Variants in TOR1AIP1 observed in about 807,000 individuals in gnomAD.
TOR1AIP1 encodes the protein torsin-1A-interacting protein 1.
A neutral mutation model predicts 63.3 loss-of-function variants in TOR1AIP1; 54 were observed. The observed-to-expected ratio is 0.85, with a 90% CI of 0.69 to 1.07. The LOEUF (loss-of-function observed/expected upper bound fraction) is 1.07. Among genes scored for constraint, TOR1AIP1 ranks in the 50% least tolerant of loss-of-function variants. TOR1AIP1 has a pLI of 0.00. For synonymous variants in TOR1AIP1, 294 were observed against 273.5 expected, an observed-to-expected ratio of 1.07 and a Z score of -0.74; for missense variants, 736 against 715.0, an observed-to-expected ratio of 1.03 and a Z score of -0.33.
At chr1:179,893,019 T>G (rs1435603561) in intron 3 of TOR1AIP1, among the ~76,000 whole-genome samples, 5 of 152,096 alleles carry the variant, frequency 3.3e-5, no homozygotes, top group Non-Finnish European at 4.4e-5. Flanking sequence ...GGCGGGTGGA[T>G]CACCTGAGGT....
Position 179,905,172 on chromosome 1 carries a change from C to T in TOR1AIP1, c.796+1150C>T, listed in dbSNP as rs185498450. ...CAGGCGGATCACTAGGTCAAGAGAC[C>T]GAGACCATCCTGGCCAACATGGTGA... On this transcript the variant is annotated intron_variant, in intron 6 of 9. Transcript: ENST00000606911. Among the ~76,000 whole-genome samples, 596 of 151,970 alleles carry T rather than the reference C, an allele frequency of 3.9e-3. 4 individuals are homozygous for T. Among genetic ancestry groups the T allele is most frequent in the African/African-American group, 0.013 (550 of 41,448 alleles).
intron 2 of TOR1AIP1, among the ~76,000 whole-genome samples, chr1:179,886,047 A>ATAT (rs1471125759): frequency 6.6e-5 from 10 of 152,148 alleles, no homozygotes; most frequent in Admixed American, 6.5e-4. Context: ...GGCCTGTCCT[A>ATAT]TATTCCTTGA....
Position 179,913,993 on chromosome 1 carries a change from A to C in TOR1AIP1, c.908-5A>C. ...ATAGTCTTATTTTATTACTCTCACCATTAGATGACAGCATTCTGAAATCAG... is the reference window on the plus strand; with the variant it reads ...ATAGTCTTATTTTATTACTCTCACCCTTAGATGACAGCATTCTGAAATCAG... On this transcript the variant is annotated splice_polypyrimidine_tract_variant and splice_region_variant and intron_variant, in intron 8 of 9. Coordinates refer to ENST00000606911, the MANE Select transcript of TOR1AIP1 (RefSeq NM_015602.4). 6.2e-7 allele frequency: 1 copy of C among 1,613,364 alleles called. No homozygotes were observed. The highest frequency in any genetic ancestry group is 1.1e-5 in the South Asian group (1 of 91,002).
At chr1:179,908,442 T>C (rs1458175003) in intron 7 of TOR1AIP1, among the ~76,000 whole-genome samples, 163 bp from the exon 8 acceptor site, 3 of 152,256 alleles carry the variant, frequency 2.0e-5, no homozygotes, top group Non-Finnish European at 2.9e-5. Context: ...TCCTCACTGA[T>C]ACGATCCTTT....
At chr1:179,890,157 C>T (rs750222135) in intron 3 of TOR1AIP1, among the ~76,000 whole-genome samples, 3 of 152,088 alleles carry the variant, frequency 2.0e-5, no homozygotes, top group Non-Finnish European at 2.9e-5. Context: ...TGGCACAGAA[C>T]GACAAAATGT....
rs1648405259 is a variant in TOR1AIP1 at position 179,900,168 on chromosome 1, G to T, written c.652+1G>T. ...CAGAAGGTCAATTTCTCTGAAGAAG[G>T]TATTTTACTTGTAAATATCATATAA... is the stretch of plus-strand genomic sequence containing the variant. On this transcript the variant is annotated splice_donor_variant, in intron 4 of 9. Transcript: ENST00000606911. LOFTEE classifies it high-confidence loss of function. 4 of 1,595,212 alleles carry T rather than the reference G, an allele frequency of 2.5e-6. No individual in the cohort carries two copies. The highest frequency in any genetic ancestry group is 2.6e-6 in the Non-Finnish European group (3 of 1,165,900).
At chr1:179,900,343 G>A in intron 4 of TOR1AIP1, 176 bp downstream of exon 4, 1 of 471,680 alleles carries the variant, frequency 2.1e-6, no homozygotes, top group Non-Finnish European at 3.9e-6. Flanking sequence ...AGGAGTTCTG[G>A]GCTGTCTGTA....
At chr1:179,896,131 C>T (rs925624450) in intron 3 of TOR1AIP1, among the ~76,000 whole-genome samples, 9 of 152,094 alleles carry the variant, frequency 5.9e-5, no homozygotes, top group African/African-American at 2.2e-4. Flanking sequence ...TAAAACCTTG[C>T]AGGTATCTAA....
chr1:179,902,082 GTGGCGCAA>G (rs1015145275), intron 5 of TOR1AIP1, among the ~76,000 whole-genome samples: 1 of 139,770 alleles, frequency 7.2e-6, no homozygotes, highest in Non-Finnish European at 1.5e-5. Flanking sequence ...CTGGAGTGCA[GTGGCGCAA>G]TGTCGGCTCA....
intron 3 of TOR1AIP1, among the ~76,000 whole-genome samples, chr1:179,896,177 A>G (rs1343967911): frequency 1.3e-5 from 2 of 152,218 alleles, no homozygotes; most frequent in Non-Finnish European, 2.9e-5. Context: ...TTAAGTTGCT[A>G]AGTAACGTTA....
At chr1:179,907,886 CT>C in intron 7 of TOR1AIP1, 22 bp downstream of exon 7, 1 of 1,259,206 alleles carries the variant, frequency 7.9e-7, no homozygotes, top group Non-Finnish European at 1.1e-6. Flanking sequence ...GTTGTCTGCT[CT>C]TTTTTCAGCC....
chr1:179,888,583 C>T (rs1647975101), intron 2 of TOR1AIP1, among the ~76,000 whole-genome samples: 1 of 152,106 alleles, frequency 6.6e-6, no homozygotes, highest in African/African-American at 2.4e-5. Flanking sequence ...ATCAAAGTTC[C>T]AGAATGTGTT....
At chr1:179,894,327 T>C (rs1176938957) in intron 3 of TOR1AIP1, among the ~76,000 whole-genome samples, 3 of 151,016 alleles carry the variant, frequency 2.0e-5, no homozygotes, top group African/African-American at 4.9e-5. Flanking sequence ...AATTCAGGAG[T>C]TATATACTTG....
At chr1:179,898,311 T>C (rs1319484487) in intron 3 of TOR1AIP1, among the ~76,000 whole-genome samples, 1 of 152,152 alleles carries the variant, frequency 6.6e-6, no homozygotes, top group East Asian at 1.9e-4. Flanking sequence ...GGGAATCAGA[T>C]GACATTCATG....
intron 8 of TOR1AIP1, among the ~76,000 whole-genome samples, chr1:179,913,238 A>C (rs1482917103): frequency 6.6e-6 from 1 of 151,316 alleles, no homozygotes; most frequent in Non-Finnish European, 1.5e-5. Context: ...TGTCGGAATT[A>C]CAGGCATGAA....
rs755362251 is a variant in TOR1AIP1 at position 179,882,872 on chromosome 1, A to G, written c.370A>G (p.Thr124Ala). 6.2e-6 allele frequency: 10 copies of G among 1,614,114 alleles called. No individual in the cohort carries two copies. The highest frequency in any genetic ancestry group is 7.6e-6 in the Non-Finnish European group (9 of 1,180,018). The change falls in exon 1 of 10, where the codon ACG (threonine) becomes GCG (alanine). Residue 124 changes from threonine to alanine, a missense_variant. Physicochemically the swap from Thr to Ala is moderately conservative, Grantham distance 58. Around this residue, in one of 2 missense-constraint regions of TOR1AIP1, gnomAD observed 464 missense variants for 371.0 expected, o/e 1.25. Coordinates refer to ENST00000606911, the MANE Select transcript of TOR1AIP1 (RefSeq NM_015602.4). ...PRPQETEEMK[T>A]RRTTRLQQQH... ...ACCCCAGGAAACCGAGGAAATGAAGACGCGAAGGACTACCCGCCTTCAGCA... is the reference window on the plus strand; with the variant it reads ...ACCCCAGGAAACCGAGGAAATGAAGGCGCGAAGGACTACCCGCCTTCAGCA...
Position 179,884,610 on chromosome 1 carries a change from T to C in TOR1AIP1, c.476-82T>C, listed in dbSNP as rs547823107. The C allele has an allele frequency of 9.2e-6, 11 of 1,195,284 alleles. No individual in the cohort carries two copies. In the East Asian group the frequency reaches 2.5e-4, roughly 27 times the overall value. 74.0% of individuals were successfully genotyped at this position (1,195,284 alleles called of 1,614,324 possible). A position where few individuals can be genotyped will look rare whatever the true frequency, so the allele number is the denominator to read the frequency against. The stretch of plus-strand genomic sequence containing the variant: ...ATTTCTTGAATTTTTGCTTATGTAT[T>C]GTTACAAAAATGCATAATCTGTGCC... On this transcript the variant is annotated intron_variant, in intron 1 of 9. Coordinates refer to ENST00000606911, the MANE Select transcript of TOR1AIP1 (RefSeq NM_015602.4).
chr1:179,898,743 A>G (rs1432257255), intron 3 of TOR1AIP1, among the ~76,000 whole-genome samples: 1 of 152,124 alleles, frequency 6.6e-6, no homozygotes, highest in Non-Finnish European at 1.5e-5. Context: ...AAAATCTTAA[A>G]AAAAATTTTT....
At chr1:179,890,762 G>C (rs1648051414) in intron 3 of TOR1AIP1, among the ~76,000 whole-genome samples, 1 of 152,190 alleles carries the variant, frequency 6.6e-6, no homozygotes, top group Non-Finnish European at 1.5e-5. Flanking sequence ...TGGAACTACA[G>C]TCATGCATCA....
Sources: allele counts gnomAD v4.1 joint callset (sites outside exome capture counted in the v4.1 genomes callset), GRCh38; gene constraint gnomAD v4.1.1; regional missense constraint gnomAD v4.1.1; transcripts MANE v1.5; gene names NCBI Gene and HGNC (gene_info 2026-07-23, HGNC 2026-07-21).